Variants in BOC observed in about 807,000 individuals in gnomAD.
BOC encodes brother of CDO.
A neutral mutation model predicts 112.0 loss-of-function variants in BOC; 76 were observed. That is an observed-to-expected ratio of 0.68 (90% CI 0.56 to 0.82). The LOEUF (loss-of-function observed/expected upper bound fraction) is 0.82. Ranked by LOEUF, BOC falls within the 40% of genes least tolerant of loss-of-function variation. The pLI is 0.00. For synonymous variants in BOC, 580 were observed against 599.8 expected (o/e 0.97, Z 0.48); for missense variants, 1,309 against 1,511.7 (o/e 0.87, Z 2.22).
In BOC at chr3:113,272,105, C is replaced by T. The variant is rs917355289; in HGVS notation, c.668-305C>T. 3 of 447,218 alleles carry T rather than the reference C, an allele frequency of 6.7e-6. No individual in the cohort carries two copies. The South Asian group carries it at 9.7e-5, about 14-fold the overall frequency. The allele number at this position is 447,218 out of a possible 1,614,324, so 27.7% of individuals were successfully genotyped here. A position where few individuals can be genotyped will look rare whatever the true frequency, so the allele number is the denominator to read the frequency against. The stretch of plus-strand genomic sequence containing the variant: ...ATCTGTACCATTTAAACTGCCTCTA[C>T]ACTCCCTCACCTTTCTCTCTTTGCC... On this transcript the variant is annotated intron_variant, in intron 6 of 19. Transcript: ENST00000682979.
Position 113,279,360 on chromosome 3 carries a change from A to C in BOC, c.1928A>C (p.Glu643Ala). Residue 643 changes from glutamate to alanine, a missense_variant, in exon 12 of 20, where the codon GAG (glutamate) becomes GCG (alanine). By Grantham distance (107) the Glu-to-Ala change is moderately radical. Coordinates refer to ENST00000682979, the MANE Select transcript of BOC (RefSeq NM_001378074.1). Reference protein sequence around the residue: ...GGFPIQSFRVEYKKLKKVGDW... With the variant: ...GGFPIQSFRVAYKKLKKVGDW... ...TTCCCAATCCAGTCCTTCCGTGTGGAGTACAAGAAGCTAAAGAAAGTGGGA... is the reference window on the plus strand; with the variant it reads ...TTCCCAATCCAGTCCTTCCGTGTGGCGTACAAGAAGCTAAAGAAAGTGGGA... 1 of 1,614,090 alleles carries C rather than the reference A, an allele frequency of 6.2e-7. No individual in the cohort carries two copies. The highest frequency in any genetic ancestry group is 8.5e-7 in the Non-Finnish European group (1 of 1,180,020).
At chr3:113,214,885 C>A (rs971398227) in intron 1 of BOC, among the ~76,000 whole-genome samples, 1 of 152,204 alleles carries the variant, frequency 6.6e-6, no homozygotes, top group African/African-American at 2.4e-5. Context: ...GGTTCCTCCT[C>A]AGTTTTTATT....
chr3:113,284,313 C>T, intron 16 of BOC, 22 bp from the exon 17 acceptor site: 1 of 1,606,930 alleles, frequency 6.2e-7, no homozygotes, highest in Non-Finnish European at 8.5e-7. Context: ...CTAAGCACAC[C>T]TTTATTTTTC....
rs1439635596 is a variant in BOC, at chr3:113,279,895, C to T, written c.2095C>T (p.Pro699Ser). ...GESEPSAPSRPYVVSGYSGRV... is the reference protein window; with the variant it reads ...GESEPSAPSRSYVVSGYSGRV... ...GAGCGAGCCCAGCGCCCCCTCTCGG[C>T]CCTACGTGGTGTCGGGCTACAGCGG... Residue 699 changes from proline (P) to serine (S), a missense_variant, in exon 13 of 20, where the codon CCC becomes TCC. Coordinates refer to ENST00000682979, the MANE Select transcript of BOC (RefSeq NM_001378074.1). 1.9e-6 allele frequency: 3 copies of T among 1,613,936 alleles called. No homozygotes were observed. In the African/African-American group the frequency reaches 4.0e-5, roughly 22 times the overall value.
In BOC at chr3:113,272,436, A is replaced by C; in HGVS notation, c.694A>C (p.Ile232Leu). The stretch of plus-strand genomic sequence containing the variant: ...CTCCACCGCTGAGGCTGCCCGCATC[A>C]TCTACCCCCCAGAGGCCCAAACCAT... ...RRSTAEAARI[I>L]YPPEAQTIIV... The change falls in exon 7 of 20, where the codon ATC (isoleucine) becomes CTC (leucine). Residue 232 changes from isoleucine (I) to leucine (L), a missense_variant. Transcript: ENST00000682979. 1 of 1,613,824 alleles carries C rather than the reference A, an allele frequency of 6.2e-7. No homozygotes were observed. The highest frequency in any genetic ancestry group is 8.5e-7 in the Non-Finnish European group (1 of 1,179,814).
chr3:113,248,210 T>TG (rs749317970), intron 2 of BOC, among the ~76,000 whole-genome samples: 5 of 152,162 alleles, frequency 3.3e-5, no homozygotes, highest in Non-Finnish European at 7.4e-5. Flanking sequence ...CCACAGGTCT[T>TG]GGGGAAGGGA....
intron 2 of BOC, among the ~76,000 whole-genome samples, chr3:113,219,325 C>A (rs763424707): frequency 1.3e-4 from 20 of 152,214 alleles, no homozygotes; most frequent in African/African-American, 3.6e-4. Context: ...GCCCTTCCAG[C>A]GATGGAGAGA....
At position 113,260,697 on chromosome 3, in the gene BOC, C is replaced by CAGAA. The variant is rs1553738010; in HGVS notation, c.377-7601_377-7598dup. ...CAGAACAGAACAGAACAGAACAGAA[C>CAGAA]AGAACAGAACAGAACAGAACAGAAA... On this transcript the variant is annotated intron_variant, in intron 4 of 19. Coordinates refer to ENST00000682979, the MANE Select transcript of BOC (RefSeq NM_001378074.1). Among the ~76,000 whole-genome samples, 811 of 129,848 alleles carry CAGAA rather than the reference C, an allele frequency of 6.2e-3. 9 individuals are homozygous for CAGAA. The highest frequency in any genetic ancestry group is 0.024 in the African/African-American group (778 of 32,194). 85.2% of individuals were successfully genotyped at this position (129,848 alleles called of 152,430 possible).
chr3:113,278,879 C>A lies in BOC; in HGVS notation c.1816+96C>A. 1.9e-6 allele frequency: 2 copies of A among 1,050,424 alleles called. No individual in the cohort carries two copies. Among genetic ancestry groups the A allele is most frequent in the South Asian group, 1.4e-5 (1 of 70,118 alleles). The allele number at this position is 1,050,424 out of a possible 1,614,324, so 65.1% of individuals were successfully genotyped here. The stretch of plus-strand genomic sequence containing the variant: ...TGAATGGGGTCTTGCTTCTGTAGGT[C>A]CAGGGTTTTTATGACATCTCCCAGT... On this transcript the variant is annotated intron_variant, in intron 11 of 19. Coordinates refer to ENST00000682979, the MANE Select transcript of BOC (RefSeq NM_001378074.1). The surrounding 1 kb of genome is among the most constrained non-coding windows in gnomAD (Gnocchi z 4.2).
chr3:113,270,671 C>T, intron 5 of BOC, 130 bp from the exon 6 acceptor site: 1 of 1,031,460 alleles, frequency 9.7e-7, no homozygotes, highest in Admixed American at 2.4e-5. Context: ...TGTGGGGACT[C>T]AGGTGGACAT....
intron 2 of BOC, among the ~76,000 whole-genome samples, chr3:113,239,445 AG>A (rs1266673628): frequency 2.0e-5 from 3 of 152,236 alleles, no homozygotes; most frequent in African/African-American, 7.2e-5. Context: ...TTGTATAAGC[AG>A]GTTGTTAATG....
Position 113,274,675 on chromosome 3 carries a change from A to G in BOC, c.1535A>G (p.His512Arg), listed in dbSNP as rs758407915. Residue 512 changes from histidine to arginine, a missense_variant, in exon 9 of 20, where the codon CAC (histidine) becomes CGC (arginine). By Grantham distance (29) the His-to-Arg change is conservative (BLOSUM62 0). Coordinates refer to ENST00000682979, the MANE Select transcript of BOC (RefSeq NM_001378074.1). The surrounding 1 kb of genome is among the most constrained non-coding windows in gnomAD (Gnocchi z 4.8). ...RAPILYYVVK[H>R]RKQVTNSSDD... ...CCAATCCTCTACTATGTGGTGAAAC[A>G]CCGCAAGGTATGGCCCTGGTGTGGG... 11 of 1,591,950 alleles carry G rather than the reference A, an allele frequency of 6.9e-6. No individual in the cohort carries two copies. The highest frequency in any genetic ancestry group is 1.1e-5 in the South Asian group (1 of 89,480).
rs574580503 is a variant in BOC at position 113,275,108 on chromosome 3, TG to T, written c.1542+428del. Among the ~76,000 whole-genome samples the T allele has an allele frequency of 8.9e-4, 135 of 152,328 alleles. 1 individual carries two copies. Among genetic ancestry groups the T allele is most frequent in the Admixed American group, 4.6e-3 (70 of 15,306 alleles). On this transcript the variant is annotated intron_variant, in intron 9 of 19. Transcript: ENST00000682979. ...GCTGGGTACATACCTGCAGGAACCC[TG>T]GCATGGTAAGCCAGCTGTAATGCCA... is the stretch of plus-strand genomic sequence containing the variant.
chr3:113,286,771 T>G lies in BOC; in HGVS notation c.3257T>G (p.Val1086Gly). ...SGGDWCPQHP[V>G]GAYVGQEPGM... is the part of the protein sequence containing the mutation. Reference sequence around the variant, plus strand: ...GGAGACTGGTGTCCCCAGCACCCCGTAGGGGCCTACGTAGGACAGGAACCT... The same window carrying G: ...GGAGACTGGTGTCCCCAGCACCCCGGAGGGGCCTACGTAGGACAGGAACCT... Residue 1086 changes from valine to glycine, a missense_variant, in exon 20 of 20, where the codon GTA becomes GGA. By Grantham distance (109) the Val-to-Gly change is moderately radical. Coordinates refer to ENST00000682979, the MANE Select transcript of BOC (RefSeq NM_001378074.1). 6.2e-7 allele frequency: 1 copy of G among 1,613,822 alleles called. No homozygotes were observed. The highest frequency in any genetic ancestry group is 8.5e-7 in the Non-Finnish European group (1 of 1,179,864).
chr3:113,212,135 C>CG (rs1238728144), intron 1 of BOC, 119 bp downstream of exon 1: 1 of 151,024 alleles, frequency 6.6e-6, no homozygotes, highest in African/African-American at 2.4e-5. Context: ...GAGTGGCTGC[C>CG]GGGGGACGTG....
chr3:113,258,110 C>G (rs1234306501), intron 4 of BOC, among the ~76,000 whole-genome samples: 1 of 152,112 alleles, frequency 6.6e-6, no homozygotes, highest in African/African-American at 2.4e-5. Flanking sequence ...CAGGGGATTG[C>G]GGAAGACTCA....
At chr3:113,222,081 G>A (rs1161349475) in intron 2 of BOC, among the ~76,000 whole-genome samples, 2 of 152,174 alleles carry the variant, frequency 1.3e-5, no homozygotes, top group Non-Finnish European at 2.9e-5. Context: ...TTATTAAACA[G>A]CACTCCCACC....
At chr3:113,227,732 G>C (rs1184518186) in intron 2 of BOC, among the ~76,000 whole-genome samples, 1 of 151,920 alleles carries the variant, frequency 6.6e-6, no homozygotes, top group Non-Finnish European at 1.5e-5. Context: ...CTGAAAACAA[G>C]TGTTTTATTT....
chr3:113,239,401 T>G (rs1158614051), intron 2 of BOC, among the ~76,000 whole-genome samples: 1 of 152,194 alleles, frequency 6.6e-6, no homozygotes, highest in Admixed American at 6.5e-5. Context: ...TTTTCGTGGC[T>G]TTAGGGAAGA....
Sources: gnomAD v4.1 joint callset for allele counts (sites outside exome capture counted in the v4.1 genomes callset) on GRCh38, gnomAD v4.1.1 for gene constraint, Gnocchi (gnomAD v3.1) non-coding constraint, MANE v1.5 for transcripts, NCBI Gene and HGNC (gene_info 2026-07-23, HGNC 2026-07-21) for gene names.